Variants in RUBCNL observed in about 807,000 individuals in gnomAD.
The protein encoded by RUBCNL is rubicon like autophagy enhancer.
Under a neutral mutation model 69.5 loss-of-function variants are expected in RUBCNL, and 62 were observed. The ratio of observed to expected loss-of-function variants is 0.89; its 90% CI spans 0.73 to 1.10. The LOEUF (loss-of-function observed/expected upper bound fraction) is 1.10, where lower values mean the gene tolerates loss of function less well. Ranked by LOEUF, RUBCNL falls within the 50% of genes least tolerant of loss-of-function variation. The pLI, the probability that RUBCNL is intolerant of heterozygous loss-of-function variation, is 0.00. For synonymous variants in RUBCNL, 291 were observed against 303.6 expected (o/e 0.96, Z 0.43); for missense variants, 768 against 798.1 (o/e 0.96, Z 0.45).
In RUBCNL at chr13:46,340,436, C is replaced by A. The variant is rs2048133442; in HGVS notation, c.*2949G>T. Among the ~76,000 whole-genome samples the A allele has an allele frequency of 6.6e-6, 1 of 152,224 alleles. No homozygotes were observed. The highest frequency in any genetic ancestry group is 2.1e-4 in the South Asian group (1 of 4,826). ...CCATTTGCCCTTGCTTGTACCAGGC[C>A]TTTTAGTGGGTGCTTCATTTTCATT... On this transcript the variant is annotated 3_prime_UTR_variant, in exon 15 of 15. Transcript: ENST00000429979.
chr13:46,385,259 T>G (rs2049213890), intron 1 of RUBCNL: 1 of 983,300 alleles, frequency 1.0e-6, no homozygotes, highest in South Asian at 4.7e-5. Flanking sequence ...AGAGACCTGG[T>G]TTTATTTTCC....
At chr13:46,377,611 A>G (rs79151948) in intron 2 of RUBCNL, among the ~76,000 whole-genome samples, 2,126 of 152,338 alleles carry the variant, frequency 0.014, 43 homozygotes, top group African/African-American at 0.048. Context: ...TTCAAAGAGA[A>G]TGACCTTATT....
chr13:46,345,088 T>C (rs1488795196), intron 13 of RUBCNL, among the ~76,000 whole-genome samples: 2 of 152,210 alleles, frequency 1.3e-5, no homozygotes, highest in Non-Finnish European at 2.9e-5. Flanking sequence ...TCTGAAATGA[T>C]CTAATTTCAT....
In RUBCNL at chr13:46,338,417, G is replaced by C. The variant is rs1445285627; in HGVS notation, c.*4968C>G. Among the ~76,000 whole-genome samples the C allele has an allele frequency of 6.6e-6, 1 of 152,080 alleles. No individual in the cohort carries two copies. The highest frequency in any genetic ancestry group is 1.5e-5 in the Non-Finnish European group (1 of 68,034). The stretch of plus-strand genomic sequence containing the variant: ...GCCCCTTGGCTGCCTCTTGGTCTTA[G>C]CAGCGCAGTTCACTTTCAGGAGGCT... On this transcript the variant is annotated 3_prime_UTR_variant, in exon 15 of 15. Transcript: ENST00000429979.
Position 46,343,199 on chromosome 13 carries a change from G to C in RUBCNL, c.*186C>G. 1.1e-6 allele frequency: 1 copy of C among 946,564 alleles called. No individual in the cohort carries two copies. Among genetic ancestry groups the C allele is most frequent in the South Asian group, 1.9e-5 (1 of 51,916 alleles). The allele number at this position is 946,564 out of a possible 1,614,324, so 58.6% of individuals were successfully genotyped here. On this transcript the variant is annotated 3_prime_UTR_variant, in exon 15 of 15. Coordinates refer to ENST00000429979, the MANE Select transcript of RUBCNL (RefSeq NM_025113.5). ...TTTGTAAACAAAACCACAACTATCA[G>C]CCCTGTGCTTAAACACAGAATCTGC...
intron 10 of RUBCNL, among the ~76,000 whole-genome samples, chr13:46,352,840 T>C (rs1453694868): frequency 6.6e-6 from 1 of 151,988 alleles, no homozygotes. Context: ...AAACAAGGCC[T>C]GGCTGGGAGC....
Position 46,350,135 on chromosome 13 carries a change from G to A in RUBCNL, c.1547C>T (p.Ala516Val). The A allele has an allele frequency of 1.9e-6, 3 of 1,571,822 alleles. No individual in the cohort carries two copies. The highest frequency in any genetic ancestry group is 2.3e-5 in the South Asian group (2 of 85,574). ...LSIGQSLYAK[A>V]KELDRVKEIQ... ...CACCTTCACTCTGTCCAGCTCCTTG[G>A]CTTTCGCATACAGGCTTTGGCCGAT... Residue 516 changes from alanine to valine, a missense_variant, in exon 11 of 15, where the codon GCC becomes GTC. Coordinates refer to ENST00000429979, the MANE Select transcript of RUBCNL (RefSeq NM_025113.5).
intron 2 of RUBCNL, among the ~76,000 whole-genome samples, chr13:46,375,582 C>G (rs2048974765): frequency 6.6e-6 from 1 of 152,128 alleles, no homozygotes; most frequent in African/African-American, 2.4e-5. Flanking sequence ...GCAGATATAA[C>G]TGTTCTATTA....
chr13:46,389,806 C>G (rs571972025), upstream of RUBCNL: 4 of 152,386 alleles, frequency 2.6e-5, no homozygotes, highest in South Asian at 8.3e-4. The surrounding 1 kb of genome is among the most constrained non-coding windows in gnomAD (Gnocchi z 4.2). Flanking sequence ...TCTGTCCCCT[C>G]TGGGATCTGG....
chr13:46,343,763 T>C (rs1267290478), intron 14 of RUBCNL, among the ~76,000 whole-genome samples: 1 of 152,136 alleles, frequency 6.6e-6, no homozygotes, highest in East Asian at 1.9e-4. Context: ...GCTCAAGCAC[T>C]GAGGCAGGCG....
intron 11 of RUBCNL, 143 bp from the exon 12 acceptor site, chr13:46,349,490 C>G (rs1031898416): frequency 2.2e-5 from 16 of 732,270 alleles, no homozygotes; most frequent in Non-Finnish European, 3.5e-5. Flanking sequence ...GCCTATACAG[C>G]AAGCCTTCAC....
chr13:46,360,874 C>A (rs946638537), intron 8 of RUBCNL, among the ~76,000 whole-genome samples: 2 of 152,178 alleles, frequency 1.3e-5, no homozygotes, highest in Non-Finnish European at 2.9e-5. Flanking sequence ...GGGCCCACCA[C>A]TTAAAAATAA....
intron 10 of RUBCNL, among the ~76,000 whole-genome samples, chr13:46,351,493 G>T (rs2048367043): frequency 6.6e-6 from 1 of 152,170 alleles, no homozygotes; most frequent in Non-Finnish European, 1.5e-5. Context: ...TACTCCATCA[G>T]ACAGAAGTGC....
At chr13:46,373,557 C>G (rs1322290978) in intron 2 of RUBCNL, among the ~76,000 whole-genome samples, 2 of 152,234 alleles carry the variant, frequency 1.3e-5, no homozygotes, top group Non-Finnish European at 1.5e-5. Flanking sequence ...GCTACACAAA[C>G]AAGAAGCACT....
At position 46,366,199 on chromosome 13, in the gene RUBCNL, C is replaced by T. The variant is rs143612343; in HGVS notation, c.826+1843G>A. Among the ~76,000 whole-genome samples the T allele has an allele frequency of 5.0e-3, 762 of 152,298 alleles. 2 individuals carry two copies. Among genetic ancestry groups the T allele is most frequent in the Non-Finnish European group, 8.2e-3 (557 of 68,004 alleles). ...CACGATCGTCCATATCAGATTTCCC[C>T]GCCCCCTGGCTGCATCTGACCAACC... On this transcript the variant is annotated intron_variant, in intron 5 of 14. Transcript: ENST00000429979.
At chr13:46,356,298 A>T (rs1349377948) in intron 10 of RUBCNL, 134 bp downstream of exon 10, 1 of 807,586 alleles carries the variant, frequency 1.2e-6, no homozygotes, top group Non-Finnish European at 2.0e-6. Context: ...CATGAAAAGG[A>T]GGGCAACTTC....
At chr13:46,368,578 T>C (rs1196944190) in intron 4 of RUBCNL, 155 bp downstream of exon 4, 2 of 869,052 alleles carry the variant, frequency 2.3e-6, no homozygotes, top group African/African-American at 3.7e-5. Flanking sequence ...GGAACCCTTC[T>C]TAGCTTAGTG....
Position 46,341,280 on chromosome 13 carries a change from A to T in RUBCNL, c.*2105T>A, listed in dbSNP as rs2048140009. ...GCATTCATCTTCTTTCCGGCAGCCA[A>T]GGAAGAGTTGAACAGAAAACCCACA... On this transcript the variant is annotated 3_prime_UTR_variant, in exon 15 of 15. Coordinates refer to ENST00000429979, the MANE Select transcript of RUBCNL (RefSeq NM_025113.5). Among the ~76,000 whole-genome samples, 1 of 152,220 alleles carries T rather than the reference A, an allele frequency of 6.6e-6. No individual in the cohort carries two copies. Among genetic ancestry groups the T allele is most frequent in the East Asian group, 1.9e-4 (1 of 5,204 alleles).
rs1449173399 is a variant in RUBCNL at position 46,335,515 on chromosome 13, T to G, written c.*7870A>C. On this transcript the variant is annotated 3_prime_UTR_variant, in exon 15 of 15. Coordinates refer to ENST00000429979, the MANE Select transcript of RUBCNL (RefSeq NM_025113.5). ...GGAGAATGGACTATAGAGGGGCAAG[T>G]GTGGAAAGAGGAGATAGGAGGTTTT... 6.6e-6 allele frequency among the ~76,000 whole-genome samples: 1 copy of G among 152,078 alleles called. No homozygotes were observed. The highest frequency in any genetic ancestry group is 1.5e-5 in the Non-Finnish European group (1 of 68,018).
Sources: gnomAD v4.1 joint callset for allele counts (sites outside exome capture counted in the v4.1 genomes callset) on GRCh38, gnomAD v4.1.1 for gene constraint, Gnocchi (gnomAD v3.1) non-coding constraint, MANE v1.5 for transcripts, NCBI Gene and HGNC (gene_info 2026-07-23, HGNC 2026-07-21) for gene names.